Variants in DPYD observed in about 807,000 individuals in gnomAD.
DPYD encodes dihydropyrimidine dehydrogenase, also known as dihydropyrimidine dehydrogenase [NADP(+)].
In DPYD, 109 loss-of-function variants were observed where a neutral mutation model predicts 116.2. The ratio of observed to expected loss-of-function variants is 0.94; its 90% CI spans 0.80 to 1.10. DPYD has a LOEUF of 1.10. Ranked by LOEUF, DPYD falls within the 50% of genes least tolerant of loss-of-function variation. The pLI, the probability that DPYD is intolerant of heterozygous loss-of-function variation, is 0.00. For synonymous variants in DPYD, 440 were observed against 432.0 expected (o/e 1.02, Z -0.23); for missense variants, 1,302 against 1,254.5 (o/e 1.04, Z -0.57).
chr1:97,175,321 G>C (rs951553618), intron 20 of DPYD, among the ~76,000 whole-genome samples: 3 of 152,124 alleles, frequency 2.0e-5, no homozygotes, highest in East Asian at 3.9e-4. Context: ...TAGGTTGTCA[G>C]TTCTTGTTCA....
At chr1:97,741,010 T>C (rs781136480) in intron 3 of DPYD, among the ~76,000 whole-genome samples, 3 of 152,150 alleles carry the variant, frequency 2.0e-5, no homozygotes, top group African/African-American at 7.2e-5. Flanking sequence ...CACAGGACAA[T>C]TGAGTTCTGT....
At chr1:97,152,089 C>T (rs1182461957) in intron 20 of DPYD, among the ~76,000 whole-genome samples, 4 of 152,082 alleles carry the variant, frequency 2.6e-5, no homozygotes, top group African/African-American at 7.2e-5. Context: ...CTTGAAGTTT[C>T]CTATCAAAAT....
intron 10 of DPYD, among the ~76,000 whole-genome samples, chr1:97,575,428 A>T (rs1653203949): frequency 6.6e-6 from 1 of 152,152 alleles, no homozygotes; most frequent in African/African-American, 2.4e-5. Flanking sequence ...AAAAAATCTA[A>T]AGATACTCCC....
intron 2 of DPYD, among the ~76,000 whole-genome samples, chr1:97,857,879 A>G (rs1013538695): frequency 6.6e-6 from 1 of 151,818 alleles, no homozygotes; most frequent in Admixed American, 6.6e-5. Flanking sequence ...GCAATCTAAC[A>G]CTATCTCCAG....
chr1:97,656,660 G>A (rs893167188), intron 8 of DPYD, among the ~76,000 whole-genome samples: 2 of 151,818 alleles, frequency 1.3e-5, no homozygotes, highest in Non-Finnish European at 2.9e-5. Context: ...GACAAATCCT[G>A]TTGCTTTCAT....
At chr1:97,140,662 A>G (rs1654149551) in intron 20 of DPYD, among the ~76,000 whole-genome samples, 1 of 152,132 alleles carries the variant, frequency 6.6e-6, no homozygotes, top group Non-Finnish European at 1.5e-5. Flanking sequence ...AGATAATCAC[A>G]GACGACCTAA....
chr1:97,643,900 A>G (rs1036839380), intron 8 of DPYD, among the ~76,000 whole-genome samples: 1 of 152,014 alleles, frequency 6.6e-6, no homozygotes, highest in South Asian at 2.1e-4. Flanking sequence ...ACATGGACGC[A>G]GGGAGGGGAA....
intron 16 of DPYD, among the ~76,000 whole-genome samples, chr1:97,365,669 C>G (rs115985819): frequency 1.3e-3 from 202 of 152,268 alleles, no homozygotes; most frequent in Non-Finnish European, 2.3e-3. Flanking sequence ...GTAACATTCA[C>G]CAGGCTGGAG....
intron 20 of DPYD, among the ~76,000 whole-genome samples, chr1:97,162,822 C>T (rs1201864790): frequency 1.1e-4 from 16 of 151,710 alleles, no homozygotes; most frequent in African/African-American, 2.2e-4. Context: ...TCAGAAATAA[C>T]GCCACATATC....
chr1:97,131,446 T>C lies in DPYD; in HGVS notation c.2623-32814A>G. Reference sequence around the variant, plus strand: ...CTAGATAGCAGTCACAAAAAGGCCATTAATATCTCTCTTACCTCCACCTGA... The same window carrying C: ...CTAGATAGCAGTCACAAAAAGGCCACTAATATCTCTCTTACCTCCACCTGA... On this transcript the variant is annotated intron_variant, in intron 20 of 22. Coordinates refer to ENST00000370192, the MANE Select transcript of DPYD (RefSeq NM_000110.4). 1.3e-5 allele frequency among the ~76,000 whole-genome samples: 2 copies of C among 152,170 alleles called. 1 individual carries two copies.
chr1:97,651,497 G>GC (rs1466819368), intron 8 of DPYD, among the ~76,000 whole-genome samples: 9 of 152,110 alleles, frequency 5.9e-5, no homozygotes, highest in Non-Finnish European at 1.2e-4. Flanking sequence ...CTGCAAGGCT[G>GC]CCGTTCATTA....
chr1:97,384,706 A>G (rs1432865915), intron 14 of DPYD, among the ~76,000 whole-genome samples: 6 of 152,158 alleles, frequency 3.9e-5, no homozygotes, highest in African/African-American at 1.4e-4. Context: ...ATTAAAATAC[A>G]CAGGACTAGT....
intron 18 of DPYD, among the ~76,000 whole-genome samples, chr1:97,276,011 G>A (rs546818927): frequency 6.6e-6 from 1 of 151,928 alleles, no homozygotes; most frequent in Admixed American, 6.6e-5. Context: ...ATCTCAACAG[G>A]TTCCACAACT....
At chr1:97,665,788 T>C (rs1040997679) in intron 8 of DPYD, among the ~76,000 whole-genome samples, 38 of 152,220 alleles carry the variant, frequency 2.5e-4, no homozygotes, top group African/African-American at 8.7e-4. Flanking sequence ...ATGAATATGC[T>C]TGCATAAAAA....
At chr1:97,651,577 T>C (rs1327437648) in intron 8 of DPYD, among the ~76,000 whole-genome samples, 1 of 111,996 alleles carries the variant, frequency 8.9e-6, no homozygotes, top group Non-Finnish European at 2.0e-5. Flanking sequence ...GAGTTCTGAC[T>C]TTCATCTTTC....
chr1:97,191,199 A>G (rs942065621), intron 20 of DPYD, among the ~76,000 whole-genome samples: 5 of 151,984 alleles, frequency 3.3e-5, no homozygotes, highest in Non-Finnish European at 5.9e-5. Flanking sequence ...TAAACATAAT[A>G]AAAAGAAAAA....
intron 3 of DPYD, among the ~76,000 whole-genome samples, chr1:97,782,286 C>T (rs1437306771): frequency 2.0e-5 from 3 of 152,190 alleles, no homozygotes; most frequent in Non-Finnish European, 2.9e-5. Flanking sequence ...CAGCCTAAAC[C>T]ACCTCTGTTA....
At chr1:97,557,816 A>G (rs924400103) in intron 11 of DPYD, among the ~76,000 whole-genome samples, 1 of 152,176 alleles carries the variant, frequency 6.6e-6, no homozygotes, top group African/African-American at 2.4e-5. Context: ...ATCAATCAGC[A>G]CTTATGGATC....
At chr1:97,174,874 A>G (rs1657136227) in intron 20 of DPYD, among the ~76,000 whole-genome samples, 1 of 152,194 alleles carries the variant, frequency 6.6e-6, no homozygotes, top group Non-Finnish European at 1.5e-5. Flanking sequence ...CAGTTGAGAT[A>G]TAGGATAAAA....
Sources: gnomAD v4.1 joint callset for allele counts (sites outside exome capture counted in the v4.1 genomes callset) on GRCh38, gnomAD v4.1.1 for gene constraint, MANE v1.5 for transcripts, NCBI Gene and HGNC (gene_info 2026-07-23, HGNC 2026-07-21) for gene names.